SSH1: variants seen among roughly 807,000 people sequenced by gnomAD.
The protein encoded by SSH1 is protein phosphatase Slingshot homolog 1.
A neutral mutation model predicts 79.7 loss-of-function variants in SSH1; 43 were observed. That is an observed-to-expected ratio of 0.54 (90% CI 0.42 to 0.70). The LOEUF is 0.70. SSH1 is among the 30% of genes least tolerant of loss of function. The pLI, the probability that SSH1 is intolerant of heterozygous loss-of-function variation, is 0.00. For missense variants in SSH1, 1,206 were observed against 1,358.8 expected, an observed-to-expected ratio of 0.89 and a Z score of 1.77; for synonymous variants, 599 against 538.3, an observed-to-expected ratio of 1.11 and a Z score of -1.56.
chr12:108,799,379 A>G (rs938165623), intron 12 of SSH1, among the ~76,000 whole-genome samples, 179 bp from the exon 13 acceptor site: 19 of 152,120 alleles, frequency 1.2e-4, no homozygotes, highest in Admixed American at 8.5e-4. Flanking sequence ...ATGTCCACGC[A>G]CTCTCTAAAG....
chr12:108,839,038 T>A (rs1287612069), intron 2 of SSH1, among the ~76,000 whole-genome samples: 1 of 152,226 alleles, frequency 6.6e-6, no homozygotes, highest in Non-Finnish European at 1.5e-5. Context: ...CAAATCCTTT[T>A]TGGAGGGCAC....
chr12:108,794,573 G>A (rs994209620), intron 13 of SSH1, among the ~76,000 whole-genome samples: 2 of 152,132 alleles, frequency 1.3e-5, no homozygotes, highest in African/African-American at 4.8e-5. Flanking sequence ...AGCCAGATGT[G>A]GAAGTATCTG....
chr12:108,815,752 C>G lies in SSH1; in HGVS notation c.401+1286G>C, dbSNP rs565281540. ...TCTAGCCCCAGGTTCCCAACCACCC[C>G]AAGGCCACAGAGGCCAGCCCCAACT... is the stretch of plus-strand genomic sequence containing the variant. On this transcript the variant is annotated intron_variant, in intron 5 of 14. Transcript: ENST00000326495. 4.9e-3 allele frequency among the ~76,000 whole-genome samples: 745 copies of G among 152,312 alleles called. 5 individuals are homozygous for G. The highest frequency in any genetic ancestry group is 0.027 in the Middle Eastern group (8 of 294).
chr12:108,792,783 G>C lies in SSH1; in HGVS notation c.1396C>G (p.Leu466Val). The C allele has an allele frequency of 6.2e-7, 1 of 1,613,976 alleles. No homozygotes were observed. The change falls in exon 14 of 15, where the codon CTC (leucine) becomes GTC (valine). Residue 466 changes from leucine to valine, a missense_variant. Around this residue, in one of 5 missense-constraint regions of SSH1, gnomAD observed 166 missense variants for 262.9 expected, o/e 0.63. Transcript: ENST00000326495. Reference protein sequence around the residue: ...KLWRQQTDSSLQQPVDDPAGP... With the variant: ...KLWRQQTDSSVQQPVDDPAGP... Reference sequence around the variant, plus strand: ...GCAGGGTCATCCACAGGCTGCTGGAGGCTGCTGTCTGTCTGCTGACGCCAC... The same window carrying C: ...GCAGGGTCATCCACAGGCTGCTGGACGCTGCTGTCTGTCTGCTGACGCCAC...
At chr12:108,792,949 T>G (rs1191213323) in intron 13 of SSH1, 120 bp from the exon 14 acceptor site, 1 of 1,205,410 alleles carries the variant, frequency 8.3e-7, no homozygotes. Flanking sequence ...GGACGATCCA[T>G]GGCTCATTCA....
At chr12:108,819,245 A>G (rs1294784601) in intron 3 of SSH1, among the ~76,000 whole-genome samples, 5 of 152,134 alleles carry the variant, frequency 3.3e-5, no homozygotes, top group African/African-American at 1.2e-4. Context: ...TTTCTTCACT[A>G]TGTAAAACAG....
chr12:108,818,082 C>T (rs1480328710), intron 4 of SSH1, among the ~76,000 whole-genome samples, 167 bp downstream of exon 4: 1 of 152,026 alleles, frequency 6.6e-6, no homozygotes, highest in Non-Finnish European at 1.5e-5. Flanking sequence ...CTTGTAGTCC[C>T]AGCTATCCAG....
chr12:108,851,932 G>C (rs2039047885), intron 2 of SSH1, among the ~76,000 whole-genome samples: 1 of 152,004 alleles, frequency 6.6e-6, no homozygotes, highest in Non-Finnish European at 1.5e-5. Flanking sequence ...AGTTAGGCCG[G>C]GCACAGTAGC....
chr12:108,813,961 C>T (rs936980160), intron 5 of SSH1, among the ~76,000 whole-genome samples: 12 of 151,864 alleles, frequency 7.9e-5, no homozygotes, highest in South Asian at 2.1e-4. Flanking sequence ...CAGTGGCTCA[C>T]GCCTGTAATC....
chr12:108,834,953 CCA>C (rs1243755065), intron 2 of SSH1, among the ~76,000 whole-genome samples: 3 of 152,188 alleles, frequency 2.0e-5, no homozygotes, highest in Non-Finnish European at 4.4e-5. Context: ...TGGGCACTCC[CCA>C]CACACAGGTT....
chr12:108,814,672 C>A (rs1294134229), intron 5 of SSH1, among the ~76,000 whole-genome samples: 1 of 152,218 alleles, frequency 6.6e-6, no homozygotes, highest in Non-Finnish European at 1.5e-5. Context: ...ACCTCAGAGA[C>A]CTGCCCTGGC....
chr12:108,797,427 T>C (rs562879238), intron 13 of SSH1, among the ~76,000 whole-genome samples: 38 of 152,196 alleles, frequency 2.5e-4, no homozygotes, highest in Non-Finnish European at 4.6e-4. Flanking sequence ...GCCTGAAACC[T>C]GTGTCCCAGA....
chr12:108,823,361 G>C lies in SSH1; in HGVS notation c.111C>G (p.Ser37Arg). The C allele has an allele frequency of 6.4e-7, 1 of 1,564,572 alleles. No individual in the cohort carries two copies. Among genetic ancestry groups the C allele is most frequent in the Non-Finnish European group, 8.7e-7 (1 of 1,152,842 alleles). The change falls in exon 3 of 15, where the codon AGC (serine) becomes AGG (arginine). Residue 37 changes from serine (S) to arginine (R), a missense_variant and splice_region_variant. Physicochemically the swap from Ser to Arg is moderately radical, Grantham distance 110 (BLOSUM62 -1). Coordinates refer to ENST00000326495, the MANE Select transcript of SSH1 (RefSeq NM_018984.4). ...TCACCATGAAAAAGCTCTCACTTAA[G>C]CTGGGAAGGATAAGACCAGAGCACA... Reference protein sequence around the residue: ...GSEEDRKLNLSLSESFFMVKG... With the variant: ...GSEEDRKLNLRLSESFFMVKG...
chr12:108,787,194 TGG>T lies in SSH1; in HGVS notation c.*792_*793del, dbSNP rs1454299015. 5.9e-5 allele frequency: 9 copies of T among 152,218 alleles called. No individual in the cohort carries two copies. The highest frequency in any genetic ancestry group is 2.2e-4 in the African/African-American group (9 of 41,430). The allele number at this position is 152,218 out of a possible 1,614,324, so 9.4% of individuals were successfully genotyped here. ...AGCAGCAGACACTCAACAATGCAGG[TGG>T]GCCCTTCCCCTTGAGATTTAAACTT... On this transcript the variant is annotated 3_prime_UTR_variant, in exon 15 of 15. Coordinates refer to ENST00000326495, the MANE Select transcript of SSH1 (RefSeq NM_018984.4).
At chr12:108,795,504 A>G (rs912116755) in intron 13 of SSH1, among the ~76,000 whole-genome samples, 4 of 151,762 alleles carry the variant, frequency 2.6e-5, no homozygotes, top group African/African-American at 9.7e-5. Context: ...ATCCGCCTGC[A>G]TCGGCCTCCC....
At chr12:108,837,968 G>C (rs990681680) in intron 2 of SSH1, among the ~76,000 whole-genome samples, 3 of 151,984 alleles carry the variant, frequency 2.0e-5, no homozygotes, top group Non-Finnish European at 4.4e-5. Context: ...TTTTTTTGTA[G>C]AGACAGGGTC....
chr12:108,856,052 C>T (rs1038883789), intron 1 of SSH1, among the ~76,000 whole-genome samples: 3 of 152,228 alleles, frequency 2.0e-5, no homozygotes, highest in African/African-American at 7.2e-5. Flanking sequence ...TCCCCCACTC[C>T]CTCCCACAAA....
intron 4 of SSH1, among the ~76,000 whole-genome samples, chr12:108,817,899 T>C (rs2037963903): frequency 6.6e-6 from 1 of 152,038 alleles, no homozygotes; most frequent in African/African-American, 2.4e-5. Context: ...GGTTTCACAA[T>C]TAAAAATTAA....
chr12:108,851,920 C>CA (rs1225005357), intron 2 of SSH1, among the ~76,000 whole-genome samples: 2 of 151,826 alleles, frequency 1.3e-5, no homozygotes, highest in African/African-American at 4.8e-5. Context: ...TAAAAATGCT[C>CA]AAGTTAGGCC....
Sources: gnomAD v4.1 joint callset for allele counts (sites outside exome capture counted in the v4.1 genomes callset) on GRCh38, gnomAD v4.1.1 for gene constraint, gnomAD v4.1.1 regional missense constraint, MANE v1.5 for transcripts, NCBI Gene and HGNC (gene_info 2026-07-23, HGNC 2026-07-21) for gene names.